The following LAMA3 variants were observed in gnomAD, a reference collection of about 807,000 sequenced individuals.
The protein encoded by LAMA3 is laminin subunit alpha-3.
A neutral mutation model predicts 402.0 loss-of-function variants in LAMA3; 281 were observed. The ratio of observed to expected loss-of-function variants is 0.70; its 90% confidence interval spans 0.63 to 0.77. The LOEUF (loss-of-function observed/expected upper bound fraction) is 0.77, where lower values mean the gene tolerates loss of function less well. Among genes scored for constraint, LAMA3 ranks in the 30% least tolerant of loss-of-function variants. The pLI is 0.00. For missense variants in LAMA3, 3,840 were observed against 4,215.5 expected, an observed-to-expected ratio of 0.91 and a Z score of 2.47; for synonymous variants, 1,431 against 1,558.4, an observed-to-expected ratio of 0.92 and a Z score of 1.93.
At chr18:23,701,385 A>AT (rs2060786791) in intron 1 of LAMA3, among the ~76,000 whole-genome samples, 1 of 152,210 alleles carries the variant, frequency 6.6e-6, no homozygotes, top group Non-Finnish European at 1.5e-5. Flanking sequence ...GGCCCTGCTC[A>AT]TGGAACACAT....
chr18:23,812,673 A>G (rs2063097342), intron 13 of LAMA3, among the ~76,000 whole-genome samples: 1 of 152,226 alleles, frequency 6.6e-6, no homozygotes, highest in Non-Finnish European at 1.5e-5. Context: ...TTAAAGATGT[A>G]CTTAGAAATT....
At chr18:23,951,633 C>G (rs368135082) in intron 72 of LAMA3, 51 bp from the exon 73 acceptor site, 2 of 1,443,968 alleles carry the variant, frequency 1.4e-6, no homozygotes, top group Non-Finnish European at 1.9e-6. Context: ...AGGGGAAGGT[C>G]GGCTCCACCT....
At chr18:23,741,896 C>A (rs960371973) in intron 2 of LAMA3, among the ~76,000 whole-genome samples, 2 of 152,056 alleles carry the variant, frequency 1.3e-5, no homozygotes, top group African/African-American at 2.4e-5. Flanking sequence ...CTGAGGCGGG[C>A]GGATCACTTG....
At chr18:23,707,149 T>A (rs117011111) in intron 1 of LAMA3, among the ~76,000 whole-genome samples, 8 of 152,240 alleles carry the variant, frequency 5.3e-5, no homozygotes, top group Non-Finnish European at 8.8e-5. Context: ...GCTGGTTGAT[T>A]CTTCTGCTCC....
chr18:23,796,499 G>T (rs2062766332), intron 12 of LAMA3, among the ~76,000 whole-genome samples: 1 of 152,150 alleles, frequency 6.6e-6, no homozygotes, highest in African/African-American at 2.4e-5. Context: ...AGAAAACATA[G>T]TTCCCCAAAG....
rs2082852817 is a variant in LAMA3 at position 23,950,081 on chromosome 18, A to G, written c.9564A>G (p.Pro3188=). ...TTAAGCTTGTTTTCAGCATCCGCCCAAGAAGTCTCACTGGGATCCTAATAC... is the reference window on the plus strand; with the variant it reads ...TTAAGCTTGTTTTCAGCATCCGCCCGAGAAGTCTCACTGGGATCCTAATAC... ...PEFKLVFSIR[P]RSLTGILIHI... is the part of the protein sequence containing the mutation. Residue 3188 remains proline (P), a synonymous_variant, in exon 72 of 75, where the codon CCA becomes CCG. Coordinates refer to ENST00000313654, the MANE Select transcript of LAMA3 (RefSeq NM_198129.4). The G allele has an allele frequency of 1.2e-6, 2 of 1,614,156 alleles. No individual in the cohort carries two copies. The highest frequency in any genetic ancestry group is 2.7e-5 in the African/African-American group (2 of 75,044).
At chr18:23,723,870 T>G (rs1172495040) in intron 2 of LAMA3, among the ~76,000 whole-genome samples, 14 of 152,194 alleles carry the variant, frequency 9.2e-5, no homozygotes. Context: ...CTATACTATC[T>G]GTATTTTTTT....
intron 64 of LAMA3, among the ~76,000 whole-genome samples, chr18:23,929,870 G>A (rs1306523338): frequency 2.0e-5 from 3 of 152,130 alleles, no homozygotes; most frequent in Non-Finnish European, 4.4e-5. Context: ...CAAAATGATC[G>A]AGAGCAGATG....
In LAMA3 at chr18:23,858,825, C is replaced by A; in HGVS notation, c.4418C>A (p.Thr1473Asn). ...TGTCACAGCTCACATAAGCGAAGGA[C>A]TAAGGTATGCATTGACAGAAAGTGC... ...NQCHSSHKRR[T>N]KFVDMLGWHL... The change falls in exon 34 of 75, where the codon ACT becomes AAT. Residue 1473 changes from threonine to asparagine, a missense_variant. Thr to Asn is a moderately conservative substitution (Grantham distance 65, BLOSUM62 0). Transcript: ENST00000313654. 6.2e-7 allele frequency: 1 copy of A among 1,614,086 alleles called. No individual in the cohort carries two copies. Among genetic ancestry groups the A allele is most frequent in the East Asian group, 2.2e-5 (1 of 44,886 alleles).
Position 23,954,692 on chromosome 18 carries a change from T to A in LAMA3, c.*44T>A. 6.2e-7 allele frequency: 1 copy of A among 1,601,624 alleles called. No homozygotes were observed. Among genetic ancestry groups the A allele is most frequent in the South Asian group, 1.1e-5 (1 of 90,822 alleles). On this transcript the variant is annotated 3_prime_UTR_variant, in exon 75 of 75. Coordinates refer to ENST00000313654, the MANE Select transcript of LAMA3 (RefSeq NM_198129.4). ...CAAGGAAATTCACCTTCAAAAGCACTGATTACCCAATGCACCTCCCTCCCC... is the reference window on the plus strand; with the variant it reads ...CAAGGAAATTCACCTTCAAAAGCACAGATTACCCAATGCACCTCCCTCCCC...
intron 21 of LAMA3, 143 bp downstream of exon 21, chr18:23,824,708 T>A (rs2063348121): frequency 2.3e-6 from 2 of 885,066 alleles, no homozygotes; most frequent in Non-Finnish European, 3.7e-6. Context: ...AGCCCCAACC[T>A]AAGGAAACTG....
chr18:23,820,727 T>C (rs2063268951), intron 19 of LAMA3, among the ~76,000 whole-genome samples: 1 of 152,198 alleles, frequency 6.6e-6, no homozygotes, highest in Non-Finnish European at 1.5e-5. Context: ...TGTTTCTCAG[T>C]GGAGAAATTC....
At chr18:23,913,994 T>C (rs2081523535) in intron 56 of LAMA3, among the ~76,000 whole-genome samples, 1 of 152,244 alleles carries the variant, frequency 6.6e-6, no homozygotes, top group Non-Finnish European at 1.5e-5. Context: ...GATGCATATA[T>C]AACTAACCAT....
chr18:23,716,386 T>C (rs890651350), intron 2 of LAMA3, among the ~76,000 whole-genome samples: 4 of 152,192 alleles, frequency 2.6e-5, no homozygotes, highest in Non-Finnish European at 5.9e-5. Flanking sequence ...CTTGAATTAC[T>C]GAGCTCAGGC....
intron 2 of LAMA3, among the ~76,000 whole-genome samples, chr18:23,724,253 A>G (rs1220207967): frequency 6.6e-6 from 1 of 152,216 alleles, no homozygotes; most frequent in Non-Finnish European, 1.5e-5. Context: ...GTATGTACGT[A>G]TACATCTTTA....
intron 23 of LAMA3, among the ~76,000 whole-genome samples, chr18:23,832,354 C>T (rs1021355698): frequency 6.6e-6 from 1 of 152,018 alleles, no homozygotes; most frequent in Non-Finnish European, 1.5e-5. Flanking sequence ...ACATTCTTTC[C>T]CAGAGGGAAA....
rs773339529 is a variant in LAMA3, at chr18:23,904,039, C to G, written c.6425C>G (p.Ala2142Gly). ...GGCAAAACATCCCTTGTGGAGGAGG[C>G]AGAAAAGCACGCGCGGTCCTTACAA... ...SAGKTSLVEE[A>G]EKHARSLQEL... is the part of the protein sequence containing the mutation. Residue 2142 changes from alanine to glycine, a missense_variant, in exon 50 of 75, where the codon GCA becomes GGA. Ala to Gly is a moderately conservative substitution (Grantham distance 60). Around this residue, in one of 3 missense-constraint regions of LAMA3, gnomAD observed 891 missense variants for 857.5 expected, o/e 1.04. Coordinates refer to ENST00000313654, the MANE Select transcript of LAMA3 (RefSeq NM_198129.4). 6.2e-7 allele frequency: 1 copy of G among 1,614,072 alleles called. No homozygotes were observed. Among genetic ancestry groups the G allele is most frequent in the Non-Finnish European group, 8.5e-7 (1 of 1,180,038 alleles).
At chr18:23,782,888 A>C (rs887156352) in intron 11 of LAMA3, among the ~76,000 whole-genome samples, 4 of 151,504 alleles carry the variant, frequency 2.6e-5, no homozygotes, top group Non-Finnish European at 5.9e-5. Flanking sequence ...TTTATTTCCC[A>C]AGGAATAATG....
chr18:23,838,326 T>C (rs1265557496), intron 25 of LAMA3, among the ~76,000 whole-genome samples: 1 of 152,204 alleles, frequency 6.6e-6, no homozygotes, highest in Non-Finnish European at 1.5e-5. Flanking sequence ...TAGCCTGAGA[T>C]GGGAGTCATT....
Sources: gnomAD v4.1 joint callset for allele counts (sites outside exome capture counted in the v4.1 genomes callset) on GRCh38, gnomAD v4.1.1 for gene constraint, gnomAD v4.1.1 regional missense constraint, MANE v1.5 for transcripts, NCBI Gene and HGNC (gene_info 2026-07-23, HGNC 2026-07-21) for gene names.